DNAH3: variants seen among roughly 807,000 people sequenced by gnomAD.
The protein encoded by DNAH3 is axonemal beta dynein heavy chain 3.
A neutral mutation model predicts 432.5 loss-of-function variants in DNAH3; 332 were observed. The ratio of observed to expected loss-of-function variants is 0.77; its 90% confidence interval spans 0.70 to 0.84. DNAH3 has a LOEUF of 0.84. DNAH3 is among the 40% of genes least tolerant of loss of function. The pLI is 0.00. For synonymous variants in DNAH3, 1,956 were observed against 1,900.2 expected, an observed-to-expected ratio of 1.03 and a Z score of -0.76; for missense variants, 4,861 against 5,114.0, an observed-to-expected ratio of 0.95 and a Z score of 1.51.
Position 21,061,930 on chromosome 16 carries a change from C to A in DNAH3, c.3720+552G>T, listed in dbSNP as rs2639775. On this transcript the variant is annotated intron_variant, in intron 25 of 61. Coordinates refer to ENST00000261383, the Ensembl canonical transcript of DNAH3. ...TGACTCCTGGTTGCTGCAGTTTATA[C>A]GCGTGGGTGGCAAAAACAGTCAACA... is the stretch of plus-strand genomic sequence containing the variant. Among the ~76,000 whole-genome samples, 9 of 152,244 alleles carry A rather than the reference C, an allele frequency of 5.9e-5. No homozygotes were observed. The South Asian group carries it at 1.0e-3, about 18-fold the overall frequency.
Position 20,955,104 on chromosome 16 carries a change from T to C in DNAH3, c.10827-47A>G, listed in dbSNP as rs150522099. ...CGTTTTAGAGCAATACAATAAGTTA[T>C]AGTGAAAAGCAACAACAAAAACAAA... On this transcript the variant is annotated intron_variant, in intron 54 of 61. Transcript: ENST00000261383. 3.9e-4 allele frequency: 586 copies of C among 1,511,040 alleles called. 7 individuals carry two copies. In the African/African-American group the frequency reaches 7.1e-3, roughly 18 times the overall value. 93.6% of individuals were successfully genotyped at this position (1,511,040 alleles called of 1,614,324 possible).
At chr16:21,028,854 G>A (rs1260346605) in intron 37 of DNAH3, among the ~76,000 whole-genome samples, 1 of 152,138 alleles carries the variant, frequency 6.6e-6, no homozygotes, top group Non-Finnish European at 1.5e-5. Context: ...CAGGGGAGAA[G>A]AGGAAATACG....
Position 20,985,359 on chromosome 16 carries a change from G to C in DNAH3, c.7383C>G (p.Thr2461=), listed in dbSNP as rs376460001. 11 of 1,614,054 alleles carry C rather than the reference G, an allele frequency of 6.8e-6. No homozygotes were observed. In the African/African-American group the frequency reaches 9.3e-5, roughly 14 times the overall value. Residue 2461 remains threonine (T), a synonymous_variant, in exon 48 of 62, where the codon ACC becomes ACG. Transcript: ENST00000261383. Reference sequence around the variant, plus strand: ...GCCAGTCATTGCCTGCGTAGTTCTTGGTGATCTCAATCTGGTATAGCTCGT... The same window carrying C: ...GCCAGTCATTGCCTGCGTAGTTCTTCGTGATCTCAATCTGGTATAGCTCGT...
exon 55 of DNAH3, chr16:20,954,871 T>G: frequency 6.2e-7 from 1 of 1,614,154 alleles, no homozygotes; most frequent in Non-Finnish European, 8.5e-7. Context: ...AAAGGCCAAA[T>G]AACATCTTTT....
chr16:21,092,687 GAAAATATTTGCAAAAAA>G (rs1374387298), intron 18 of DNAH3, among the ~76,000 whole-genome samples: 1 of 2,510 alleles, frequency 4.0e-4, no homozygotes, highest in Non-Finnish European at 7.7e-4. Flanking sequence ...CAGTCTGGAA[GAAAATATTTGCAAAAAA>G]AAAAAAAAAA....
Position 21,039,953 on chromosome 16 carries a change from AAAC to A in DNAH3, c.4639-13_4639-11del, listed in dbSNP as rs767555112. On this transcript the variant is annotated splice_polypyrimidine_tract_variant and intron_variant, in intron 32 of 61. Coordinates refer to ENST00000261383, the Ensembl canonical transcript of DNAH3. ...CTGTCCGGAACAAGGCCTGGAAAAG[AAAC>A]AACAAATCAGAATCGGAACACGTGC... is the stretch of plus-strand genomic sequence containing the variant. 6.2e-7 allele frequency: 1 copy of A among 1,609,878 alleles called. No homozygotes were observed. Among genetic ancestry groups the A allele is most frequent in the Non-Finnish European group, 8.5e-7 (1 of 1,176,430 alleles).
intron 23 of DNAH3, 37 bp from the exon 24 acceptor site, chr16:21,067,456 G>T (rs1394033517): frequency 1.2e-5 from 20 of 1,609,296 alleles, no homozygotes; most frequent in Admixed American, 3.4e-5. Context: ...TCATCATAAG[G>T]TTCCCAAGTT....
At chr16:21,047,750 C>T (rs1435271558) in intron 31 of DNAH3, among the ~76,000 whole-genome samples, 1 of 151,970 alleles carries the variant, frequency 6.6e-6, no homozygotes, top group East Asian at 1.9e-4. Context: ...AGGAGAGGTG[C>T]TCTGCTTTTT....
chr16:21,134,672 TTTTA>T (rs200578958), intron 6 of DNAH3, among the ~76,000 whole-genome samples: 6 of 151,812 alleles, frequency 4.0e-5, no homozygotes, highest in African/African-American at 7.3e-5. Flanking sequence ...AGTCAACTCT[TTTTA>T]TTTATTTATT....
At chr16:21,080,947 T>C (rs1449265215) in intron 20 of DNAH3, among the ~76,000 whole-genome samples, 1 of 152,004 alleles carries the variant, frequency 6.6e-6, no homozygotes, top group African/African-American at 2.4e-5. Flanking sequence ...AGATGGAGTC[T>C]CACACTGTCA....
chr16:21,033,020 T>C (rs899285627), intron 36 of DNAH3, among the ~76,000 whole-genome samples: 7 of 152,110 alleles, frequency 4.6e-5, no homozygotes, highest in Admixed American at 6.6e-5. Flanking sequence ...GCAATTGCAG[T>C]GCAGTGCGCA....
intron 1 of DNAH3, chr16:21,159,318 T>G: frequency 1.9e-6 from 3 of 1,612,456 alleles, no homozygotes; most frequent in Non-Finnish European, 2.5e-6. Context: ...GCGGACCCCC[T>G]CTCCACCTGC....
chr16:21,098,363 C>T (rs1214922376), intron 17 of DNAH3, among the ~76,000 whole-genome samples: 1 of 148,312 alleles, frequency 6.7e-6, no homozygotes, highest in Non-Finnish European at 1.5e-5. Flanking sequence ...CACTTGAACC[C>T]AGGAGGTGGA....
intron 5 of DNAH3, among the ~76,000 whole-genome samples, chr16:21,138,665 C>G (rs2092676904): frequency 6.6e-6 from 1 of 152,166 alleles, no homozygotes; most frequent in African/African-American, 2.4e-5. Flanking sequence ...CAAAAATTAG[C>G]TGGGCATGGT....
chr16:21,042,074 T>C (rs2089467620), exon 32 of DNAH3: 2 of 1,613,898 alleles, frequency 1.2e-6, no homozygotes, highest in East Asian at 2.2e-5. Context: ...CCGGGGTTCA[T>C]GGTGATGAAC....
At chr16:21,102,877 CT>C (rs550772745) in intron 16 of DNAH3, among the ~76,000 whole-genome samples, 22,537 of 135,130 alleles carry the variant, frequency 0.17, 1,812 homozygotes, top group South Asian at 0.23. Flanking sequence ...GACTATTATT[CT>C]TTTTTTTTTT....
At chr16:20,975,623 T>C (rs527495948) in intron 50 of DNAH3, among the ~76,000 whole-genome samples, 7 of 152,370 alleles carry the variant, frequency 4.6e-5, no homozygotes, top group African/African-American at 1.4e-4. Flanking sequence ...ATTGTGGTTA[T>C]CAAGCACTGT....
rs1210028030 is a variant in DNAH3, at chr16:21,087,074, G to A, written c.2666-14C>T. The A allele has an allele frequency of 1.9e-6, 3 of 1,604,874 alleles. No individual in the cohort carries two copies. Among genetic ancestry groups the A allele is most frequent in the East Asian group, 2.2e-5 (1 of 44,846 alleles). ...AGAAGAGGGGTCCTGAAATAGAAGA[G>A]TGAGGGAAAGGTCAGACCATCATGT... On this transcript the variant is annotated splice_polypyrimidine_tract_variant and intron_variant, in intron 18 of 61. Coordinates refer to ENST00000261383, the Ensembl canonical transcript of DNAH3.
chr16:21,021,939 C>CA, intron 40 of DNAH3, 32 bp downstream of exon 40: 1 of 1,611,646 alleles, frequency 6.2e-7, no homozygotes, highest in Non-Finnish European at 8.5e-7. Flanking sequence ...ACCCACCCCC[C>CA]ATGTGGCTTA....
Sources: allele counts gnomAD v4.1 joint callset (sites outside exome capture counted in the v4.1 genomes callset), GRCh38; gene constraint gnomAD v4.1.1; transcripts MANE v1.5; gene names NCBI Gene and HGNC (gene_info 2026-07-23, HGNC 2026-07-21).